UPF2: variants seen among roughly 807,000 people sequenced by gnomAD.
UPF2 encodes the protein regulator of nonsense transcripts 2.
UPF2 carries 17 observed loss-of-function variants against 141.4 expected under a neutral mutation model. The ratio of observed to expected loss-of-function variants is 0.12; its 90% CI spans 0.08 to 0.18. The LOEUF is 0.18. Among genes scored for constraint, UPF2 ranks in the 10% least tolerant of loss-of-function variants. The pLI, the probability that UPF2 is intolerant of heterozygous loss-of-function variation, is 1.00. For missense variants in UPF2, 1,152 were observed against 1,515.9 expected (o/e 0.76, Z 3.99); for synonymous variants, 540 against 498.0 (o/e 1.08, Z -1.12).
chr10:12,016,433 C>T lies in UPF2; in HGVS notation c.1146-2249G>A, dbSNP rs1343848951. On this transcript the variant is annotated intron_variant, in intron 3 of 21. Transcript: ENST00000357604. The surrounding 1 kb of genome is among the most constrained non-coding windows in gnomAD (Gnocchi z 4.1). ...TACTTAGGCTGGGCGCGGTGGCTCA[C>T]GCCTGTAATCCCAGAACTTTGGAAG... Among the ~76,000 whole-genome samples the T allele has an allele frequency of 4.6e-5, 7 of 152,044 alleles. No individual in the cohort carries two copies. Among genetic ancestry groups the T allele is most frequent in the Admixed American group, 1.3e-4 (2 of 15,266 alleles).
At chr10:11,942,857 A>AGG in intron 17 of UPF2, 94 bp from the exon 18 acceptor site, 1 of 1,135,392 alleles carries the variant, frequency 8.8e-7, no homozygotes, top group Non-Finnish European at 1.3e-6. Flanking sequence ...TGTTTAACAT[A>AGG]ACTCAAGGAG....
chr10:11,930,349 A>C (rs1428489302), intron 20 of UPF2, among the ~76,000 whole-genome samples: 4 of 152,228 alleles, frequency 2.6e-5, no homozygotes, highest in Non-Finnish European at 1.5e-5. Flanking sequence ...CTTTAGGTTC[A>C]ATTTCCCTCA....
chr10:11,995,994 T>G (rs2131258420), intron 8 of UPF2, among the ~76,000 whole-genome samples: 1 of 152,224 alleles, frequency 6.6e-6, no homozygotes, highest in South Asian at 2.1e-4. Context: ...TCAGTTCCAC[T>G]TGGCTCTATG....
chr10:12,029,457 G>T lies in UPF2; in HGVS notation c.433C>A (p.Arg145Ser), dbSNP rs755329291. Reference sequence around the variant, plus strand: ...TCCGGAGCATTTTGGTTTTTGCTACGAAGTTCCTTTCTTAAATGATGTCGT... The same window carrying T: ...TCCGGAGCATTTTGGTTTTTGCTACTAAGTTCCTTTCTTAAATGATGTCGT... Reference protein sequence around the residue: ...WERHHLRKELRSKNQNAPDSR... With the variant: ...WERHHLRKELSSKNQNAPDSR... Residue 145 changes from arginine (R) to serine (S), a missense_variant, in exon 3 of 22, where the codon CGT becomes AGT. By Grantham distance (110) the Arg-to-Ser change is moderately radical. This residue lies in a region of UPF2 where 739 missense variants were observed against 1,032.2 expected (regional missense o/e 0.72). Coordinates refer to ENST00000357604, the MANE Select transcript of UPF2 (RefSeq NM_015542.4). 1.9e-6 allele frequency: 3 copies of T among 1,612,746 alleles called. No homozygotes were observed. Among genetic ancestry groups the T allele is most frequent in the Non-Finnish European group, 2.5e-6 (3 of 1,179,810 alleles).
intron 2 of UPF2, among the ~76,000 whole-genome samples, chr10:12,030,702 T>C (rs1834504367): frequency 6.7e-6 from 1 of 149,900 alleles, no homozygotes; most frequent in Non-Finnish European, 1.5e-5. Flanking sequence ...ACTAACATGG[T>C]GAAACGCCAT....
At chr10:11,958,227 T>TC (rs1223472264) in intron 12 of UPF2, among the ~76,000 whole-genome samples, 3 of 152,182 alleles carry the variant, frequency 2.0e-5, no homozygotes, top group Admixed American at 6.5e-5. Flanking sequence ...AATTACTATT[T>TC]CAAAGCCTCT....
rs909037544 is a variant in UPF2 at position 11,998,898 on chromosome 10, G to A, written c.1758+1008C>T. 6.6e-5 allele frequency among the ~76,000 whole-genome samples: 10 copies of A among 150,874 alleles called. No homozygotes were observed. In the South Asian group the frequency reaches 1.1e-3, roughly 16 times the overall value. ...AGATTAGCTGGGCGTGGTGGTGCAC[G>A]CCTGTAGTCCCAGCTACTCAGGAGG... On this transcript the variant is annotated intron_variant, in intron 7 of 21. Transcript: ENST00000357604. The surrounding 1 kb of genome is among the most constrained non-coding windows in gnomAD (Gnocchi z 4.5).
At chr10:11,957,373 G>A (rs981037970) in intron 12 of UPF2, among the ~76,000 whole-genome samples, 24 of 151,750 alleles carry the variant, frequency 1.6e-4, no homozygotes, top group Non-Finnish European at 2.6e-4. Flanking sequence ...AGGTTGCCGT[G>A]AGCCGAGACT....
At chr10:11,933,329 C>T (rs939981440) in intron 19 of UPF2, among the ~76,000 whole-genome samples, 1 of 152,132 alleles carries the variant, frequency 6.6e-6, no homozygotes, top group Non-Finnish European at 1.5e-5. Context: ...CACAACATAC[C>T]AGCGATGTTT....
In UPF2 at chr10:11,979,239, T is replaced by G; in HGVS notation, c.1845-74A>C. On this transcript the variant is annotated intron_variant, in intron 8 of 21. Transcript: ENST00000357604. This position sits in a 1 kb window ranked among gnomAD's most constrained non-coding sequence, Gnocchi z 6.2. The stretch of plus-strand genomic sequence containing the variant: ...TAATTCATTTTAAAATTTAAACTTT[T>G]CAGATGTATTCACACATTAAATGAT... The G allele has an allele frequency of 9.3e-7, 1 of 1,072,214 alleles. No homozygotes were observed. The highest frequency in any genetic ancestry group is 1.4e-6 in the Non-Finnish European group (1 of 729,672). 66.4% of individuals were successfully genotyped at this position (1,072,214 alleles called of 1,614,324 possible). A position where few individuals can be genotyped will look rare whatever the true frequency, so the allele number is the denominator to read the frequency against.
intron 18 of UPF2, among the ~76,000 whole-genome samples, chr10:11,938,842 G>GTTTTGTTTT (rs1832886963): frequency 2.2e-5 from 1 of 45,862 alleles, no homozygotes; most frequent in African/African-American, 7.0e-5. Context: ...TCTTAAGCAA[G>GTTTTGTTTT]TTTTTTTTTT....
At chr10:11,938,862 T>TTTTTTTTTTTTTTTTTTTG (rs1832894141) in intron 18 of UPF2, among the ~76,000 whole-genome samples, 1 of 79,858 alleles carries the variant, frequency 1.3e-5, no homozygotes, top group African/African-American at 4.3e-5. Context: ...TGTTTTTTTT[T>TTTTTTTTTTTTTTTTTTTG]TTTTTTTTTT....
intron 3 of UPF2, among the ~76,000 whole-genome samples, chr10:12,015,923 T>C (rs1255161383): frequency 2.0e-5 from 3 of 152,088 alleles, no homozygotes; most frequent in African/African-American, 7.2e-5. Context: ...TAGTAAAATG[T>C]TGAAATAGTT....
At chr10:11,972,143 C>T (rs1329274931) in intron 9 of UPF2, among the ~76,000 whole-genome samples, 2 of 151,902 alleles carry the variant, frequency 1.3e-5, no homozygotes, top group Non-Finnish European at 2.9e-5. Flanking sequence ...TTTCCTAAGG[C>T]CTATCATTTA....
At chr10:12,023,407 G>T (rs1834350930) in intron 3 of UPF2, among the ~76,000 whole-genome samples, 2 of 151,366 alleles carry the variant, frequency 1.3e-5, no homozygotes, top group African/African-American at 4.9e-5. Context: ...GGGCATGGTG[G>T]ATCACACCTG....
At position 11,936,397 on chromosome 10, in the gene UPF2, CA is replaced by C. The variant is rs57896406; in HGVS notation, c.3546+147del. 2.8e-4 allele frequency: 244 copies of C among 859,248 alleles called. 1 individual carries two copies. The South Asian group carries it at 8.4e-3, about 30-fold the overall frequency. The allele number at this position is 859,248 out of a possible 1,614,324, so 53.2% of individuals were successfully genotyped here. A position where few individuals can be genotyped will look rare whatever the true frequency, so the allele number is the denominator to read the frequency against. On this transcript the variant is annotated intron_variant, in intron 19 of 21. Coordinates refer to ENST00000357604, the MANE Select transcript of UPF2 (RefSeq NM_015542.4). The surrounding 1 kb of genome is among the most constrained non-coding windows in gnomAD (Gnocchi z 6.6). Reference sequence around the variant, plus strand: ...ACAAAAACAAAAACAAAAACAAAAACAAAAAAAACTATATAAGGGAAGAAAT... The same window carrying C: ...ACAAAAACAAAAACAAAAACAAAAACAAAAAAACTATATAAGGGAAGAAAT...
chr10:12,001,003 T>G (rs760902845), intron 6 of UPF2, among the ~76,000 whole-genome samples: 4 of 152,210 alleles, frequency 2.6e-5, no homozygotes, highest in South Asian at 4.1e-4. Flanking sequence ...AATACATTTA[T>G]GTTGTTTGTA....
At chr10:12,008,764 T>C (rs928284397) in intron 4 of UPF2, among the ~76,000 whole-genome samples, 5 of 152,072 alleles carry the variant, frequency 3.3e-5, no homozygotes, top group Admixed American at 6.6e-5. Flanking sequence ...CCATGGTGGT[T>C]TGCTGCACTT....
intron 1 of UPF2, chr10:12,035,785 ATACTTC>A: frequency 1.2e-5 from 2 of 165,402 alleles, no homozygotes. Context: ...TTAATTGTAA[ATACTTC>A]AGAATATATC....
Sources: allele counts gnomAD v4.1 joint callset (sites outside exome capture counted in the v4.1 genomes callset), GRCh38; gene constraint gnomAD v4.1.1; regional missense constraint gnomAD v4.1.1; non-coding constraint Gnocchi (gnomAD v3.1); transcripts MANE v1.5; gene names NCBI Gene and HGNC (gene_info 2026-07-23, HGNC 2026-07-21).